The following CYFIP2 variants were observed in gnomAD, a reference collection of about 807,000 sequenced individuals.
CYFIP2 encodes the protein cytoplasmic FMR1-interacting protein 2.
In CYFIP2, 29 loss-of-function variants were observed where a neutral mutation model predicts 158.7. The observed-to-expected ratio is 0.18, with a 90% CI of 0.14 to 0.25. The LOEUF is 0.25. Among genes scored for constraint, CYFIP2 ranks in the 10% least tolerant of loss-of-function variants. The probability of loss-of-function intolerance (pLI) is 1.00; values close to 1 mark genes in which losing one functional copy is unlikely to be tolerated. For synonymous variants in CYFIP2, 585 were observed against 617.6 expected (o/e 0.95, Z 0.78); for missense variants, 852 against 1,639.5 (o/e 0.52, Z 8.29).
At chr5:157,381,017 C>A (rs1376048014) in intron 26 of CYFIP2, among the ~76,000 whole-genome samples, 1 of 152,172 alleles carries the variant, frequency 6.6e-6, no homozygotes, top group East Asian at 1.9e-4. Flanking sequence ...GAGTTTGAGA[C>A]CAGCCTGGCC....
At chr5:157,340,003 T>A (rs543350779) in intron 22 of CYFIP2, among the ~76,000 whole-genome samples, 5 of 152,336 alleles carry the variant, frequency 3.3e-5, no homozygotes, top group African/African-American at 1.2e-4. Flanking sequence ...AGATTGTATG[T>A]TTGTAAGGAT....
chr5:157,383,824 T>C (rs1766372766), intron 28 of CYFIP2, among the ~76,000 whole-genome samples: 1 of 152,216 alleles, frequency 6.6e-6, no homozygotes, highest in East Asian at 1.9e-4. Context: ...TTAAATAAAA[T>C]GCCAGGTTAT....
chr5:157,385,916 A>C (rs898286241), intron 28 of CYFIP2, among the ~76,000 whole-genome samples: 3 of 152,114 alleles, frequency 2.0e-5, no homozygotes, highest in African/African-American at 7.2e-5. Context: ...ACCGAGGGGA[A>C]TAGAAAAGAA....
At chr5:157,387,222 A>AGG (rs1766787887) in intron 28 of CYFIP2, among the ~76,000 whole-genome samples, 2 of 152,190 alleles carry the variant, frequency 1.3e-5, no homozygotes, top group African/African-American at 4.8e-5. Flanking sequence ...TTTATGAAAT[A>AGG]TTTTTATTTT....
At chr5:157,340,057 C>T (rs1762136043) in intron 22 of CYFIP2, among the ~76,000 whole-genome samples, 1 of 152,240 alleles carries the variant, frequency 6.6e-6, no homozygotes, top group Non-Finnish European at 1.5e-5. Flanking sequence ...CATACATTTG[C>T]AGAGCACACA....
intron 8 of CYFIP2, among the ~76,000 whole-genome samples, chr5:157,304,950 CT>C (rs1759091460): frequency 6.6e-6 from 1 of 152,158 alleles, no homozygotes; most frequent in South Asian, 2.1e-4. Flanking sequence ...TTATATCATT[CT>C]TATGCCTGGG....
chr5:157,366,473 A>G (rs1764380648), intron 26 of CYFIP2, among the ~76,000 whole-genome samples: 1 of 152,218 alleles, frequency 6.6e-6, no homozygotes. Context: ...TGAAAGTTTT[A>G]GAGGTTAGTC....
chr5:157,359,559 G>T (rs7711035), intron 24 of CYFIP2, among the ~76,000 whole-genome samples: 71,391 of 152,002 alleles, frequency 0.47, 18,504 homozygotes, highest in African/African-American at 0.71. Flanking sequence ...CTCTAATCAG[G>T]CATCATGCTT....
At position 157,286,999 on chromosome 5, in the gene CYFIP2, C is replaced by A. The variant is rs765066355; in HGVS notation, c.118-20C>A. 39 of 1,605,880 alleles carry A rather than the reference C, an allele frequency of 2.4e-5. No homozygotes were observed. The highest frequency in any genetic ancestry group is 3.1e-5 in the Non-Finnish European group (36 of 1,174,420). ...ACTGTTTTCTAACAACCAAAATGTT[C>A]CTGTCCTCTAATTCCACAGGCTAAC... On this transcript the variant is annotated intron_variant, in intron 2 of 30. Coordinates refer to ENST00000620254, the MANE Select transcript of CYFIP2 (RefSeq NM_001037333.3).
intron 1 of CYFIP2, among the ~76,000 whole-genome samples, chr5:157,269,757 G>GC (rs752605329): frequency 7.9e-4 from 120 of 152,308 alleles, no homozygotes; most frequent in South Asian, 1.9e-3. Flanking sequence ...GTACTGTTGA[G>GC]CCAATGGGAA....
Position 157,383,368 on chromosome 5 carries a change from C to T in CYFIP2, c.3207+9C>T. 6.2e-7 allele frequency: 1 copy of T among 1,611,714 alleles called. No homozygotes were observed. The highest frequency in any genetic ancestry group is 8.5e-7 in the Non-Finnish European group (1 of 1,178,316). On this transcript the variant is annotated intron_variant, in intron 28 of 30. Coordinates refer to ENST00000620254, the MANE Select transcript of CYFIP2 (RefSeq NM_001037333.3). ...GGCTGGGGACCCCTCAGGTACCAAT[C>T]TTATATAATAAATGGGCTCTGATCA...
chr5:157,381,362 T>TAA lies in CYFIP2; in HGVS notation c.3040-1214_3040-1213dup, dbSNP rs11380239. On this transcript the variant is annotated intron_variant, in intron 26 of 30. Coordinates refer to ENST00000620254, the MANE Select transcript of CYFIP2 (RefSeq NM_001037333.3). ...AAATGCTATCACATTGTAGGTATGA[T>TAA]AAAAAAAAAAAAAAATTAGCCAGGC... 5.3e-3 allele frequency among the ~76,000 whole-genome samples: 752 copies of TAA among 143,180 alleles called. 7 individuals carry two copies. Among genetic ancestry groups the TAA allele is most frequent in the African/African-American group, 0.017 (676 of 39,402 alleles). The allele number at this position is 143,180 out of a possible 152,430, so 93.9% of individuals were successfully genotyped here.
rs1755648908 is a variant in CYFIP2 at position 157,266,865 on chromosome 5, CT to C, written c.-24+671del. 6.5e-6 allele frequency: 1 copy of C among 152,808 alleles called. No homozygotes were observed. Among genetic ancestry groups the C allele is most frequent in the Admixed American group, 6.5e-5 (1 of 15,282 alleles). 9.5% of individuals were successfully genotyped at this position (152,808 alleles called of 1,614,324 possible). On this transcript the variant is annotated intron_variant, in intron 1 of 30. Coordinates refer to ENST00000620254, the MANE Select transcript of CYFIP2 (RefSeq NM_001037333.3). This position sits in a 1 kb window ranked among gnomAD's most constrained non-coding sequence, Gnocchi z 4.2. ...GGGAAGGGGATGAGTGGGCTGACTC[CT>C]GGGGGAAAAGGTGGTTTTTTTCTTG...
At chr5:157,366,932 C>T (rs1379877493) in intron 26 of CYFIP2, among the ~76,000 whole-genome samples, 5 of 152,184 alleles carry the variant, frequency 3.3e-5, no homozygotes, top group East Asian at 1.9e-4. Flanking sequence ...CCTATTTGTA[C>T]GTGTGAGGGA....
intron 21 of CYFIP2, among the ~76,000 whole-genome samples, chr5:157,335,239 G>A (rs185175833): frequency 1.3e-5 from 2 of 152,152 alleles, no homozygotes; most frequent in African/African-American, 2.4e-5. Context: ...TTACTATAAG[G>A]ATAAAATGAG....
intron 26 of CYFIP2, chr5:157,376,771 G>C (rs984586193): frequency 9.9e-6 from 4 of 404,034 alleles, no homozygotes; most frequent in African/African-American, 8.2e-5. Context: ...CACTTGCACA[G>C]TTCCTTTCCC....
chr5:157,300,533 C>CA (rs72316432), intron 5 of CYFIP2, among the ~76,000 whole-genome samples, 182 bp from the exon 6 acceptor site: 68 of 121,198 alleles, frequency 5.6e-4, no homozygotes, highest in African/African-American at 1.5e-3. Context: ...GACTCCGTCT[C>CA]AAAAAAAAAA....
At chr5:157,274,030 G>A (rs1016020147) in intron 1 of CYFIP2, among the ~76,000 whole-genome samples, 1 of 151,820 alleles carries the variant, frequency 6.6e-6, no homozygotes, top group Non-Finnish European at 1.5e-5. Context: ...AGCTACTCGG[G>A]AGGCTGAGGC....
At chr5:157,341,048 C>A (rs1286846932) in intron 22 of CYFIP2, 22 bp from the exon 23 acceptor site, 7 of 1,608,504 alleles carry the variant, frequency 4.4e-6, no homozygotes, top group Non-Finnish European at 6.0e-6. Flanking sequence ...TTAACTCTTT[C>A]CCATCCCTAT....
Sources: gnomAD v4.1 joint callset for allele counts (sites outside exome capture counted in the v4.1 genomes callset) on GRCh38, gnomAD v4.1.1 for gene constraint, Gnocchi (gnomAD v3.1) non-coding constraint, MANE v1.5 for transcripts, NCBI Gene and HGNC (gene_info 2026-07-23, HGNC 2026-07-21) for gene names.